EP300: variants seen among roughly 807,000 people sequenced by gnomAD.
The protein encoded by EP300 is EP300 lysine acetyltransferase.
A neutral mutation model predicts 264.0 loss-of-function variants in EP300; 31 were observed. The ratio of observed to expected loss-of-function variants is 0.12; its 90% CI spans 0.09 to 0.16. The LOEUF is 0.16. Among genes scored for constraint, EP300 ranks in the 10% least tolerant of loss-of-function variants. The pLI is 1.00. For synonymous variants in EP300, 1,340 were observed against 1,045.4 expected, an observed-to-expected ratio of 1.28 and a Z score of -5.44; for missense variants, 2,766 against 3,052.9, an observed-to-expected ratio of 0.91 and a Z score of 2.21.
At chr22:41,172,834 T>C (rs1230754337) in intron 28 of EP300, among the ~76,000 whole-genome samples, 171 bp downstream of exon 28, 1 of 152,214 alleles carries the variant, frequency 6.6e-6, no homozygotes, top group African/African-American at 2.4e-5. Flanking sequence ...TCAGTGGTAT[T>C]AAACTTTTAA....
At chr22:41,153,223 A>G (rs1053853636) in intron 16 of EP300, among the ~76,000 whole-genome samples, 5 of 152,160 alleles carry the variant, frequency 3.3e-5, no homozygotes, top group African/African-American at 1.2e-4. Flanking sequence ...GTGTTAATTG[A>G]CTATTTTAGG....
intron 1 of EP300, among the ~76,000 whole-genome samples, chr22:41,108,669 C>T (rs2058771779): frequency 6.6e-6 from 1 of 152,078 alleles, no homozygotes; most frequent in Non-Finnish European, 1.5e-5. Flanking sequence ...CCTTGTGAAG[C>T]AGAAGAAAGA....
rs557236490 is a variant in EP300, at chr22:41,143,585, G to GT, written c.2053+2373dup. On this transcript the variant is annotated intron_variant, in intron 10 of 30. Transcript: ENST00000263253. Reference sequence around the variant, plus strand: ...TTTTTTTGTTGTTGGTTTTGTTTTTGTTTTTTTTTTGAAACAGTCTCTCTT... The same window carrying GT: ...TTTTTTTGTTGTTGGTTTTGTTTTTGTTTTTTTTTTTGAAACAGTCTCTCTT... Among the ~76,000 whole-genome samples, 505 of 147,726 alleles carry GT rather than the reference G, an allele frequency of 3.4e-3. 1 individual carries two copies. Among genetic ancestry groups the GT allele is most frequent in the Admixed American group, 4.6e-3 (69 of 14,840 alleles).
Position 41,138,946 on chromosome 22 carries a change from GTTTGTT to G in EP300, c.1760+1173_1761-1172del, listed in dbSNP as rs754669059. Reference sequence around the variant, plus strand: ...GCTAATCATTTAGGATTCTTTGTTTGTTTGTTTTTGTTTTTGTTTTTGAGACTGAGT... The same window carrying G: ...GCTAATCATTTAGGATTCTTTGTTTGTTTGTTTTTGTTTTTGAGACTGAGT... On this transcript the variant is annotated intron_variant, in intron 8 of 30. Transcript: ENST00000263253. Among the ~76,000 whole-genome samples the G allele has an allele frequency of 4.0e-5, 6 of 151,596 alleles. No individual in the cohort carries two copies. The East Asian group carries it at 5.8e-4, about 15-fold the overall frequency.
intron 1 of EP300, among the ~76,000 whole-genome samples, chr22:41,105,338 G>C (rs961134661): frequency 6.9e-6 from 1 of 145,352 alleles, no homozygotes; most frequent in Non-Finnish European, 1.5e-5. Flanking sequence ...TGGGCCACGA[G>C]AGTGAAACTG....
Position 41,149,102 on chromosome 22 carries a change from A to C in EP300, c.2306A>C (p.Gln769Pro). The C allele has an allele frequency of 6.2e-7, 1 of 1,612,884 alleles. No individual in the cohort carries two copies. Among genetic ancestry groups the C allele is most frequent in the Non-Finnish European group, 8.5e-7 (1 of 1,179,852 alleles). The stretch of plus-strand genomic sequence containing the variant: ...CAGGGCCAGTTCCTTCCTCAGACTC[A>C]GTTCCCATCACAGGGAATGAATGTA... ...SNQGQFLPQT[Q>P]FPSQGMNVTN... The change falls in exon 13 of 31, where the codon CAG becomes CCG. Residue 769 changes from glutamine (Q) to proline (P), a missense_variant. Gln to Pro is a moderately conservative substitution (Grantham distance 76). Coordinates refer to ENST00000263253, the MANE Select transcript of EP300 (RefSeq NM_001429.4).
chr22:41,107,352 G>C (rs1387808249), intron 1 of EP300, among the ~76,000 whole-genome samples: 1 of 151,454 alleles, frequency 6.6e-6, no homozygotes, highest in Non-Finnish European at 1.5e-5. Context: ...GAACTGAGTT[G>C]ATTTTACTTC....
intron 3 of EP300, among the ~76,000 whole-genome samples, chr22:41,126,972 G>A (rs763667892): frequency 5.9e-5 from 9 of 151,878 alleles, no homozygotes; most frequent in Non-Finnish European, 1.3e-4. Flanking sequence ...TCGAACTCCC[G>A]ACCTCAGGTG....
At chr22:41,174,985 C>T (rs1040188506) in intron 29 of EP300, among the ~76,000 whole-genome samples, 3 of 151,010 alleles carry the variant, frequency 2.0e-5, no homozygotes, top group Non-Finnish European at 2.9e-5. Context: ...TAATGGGCTA[C>T]GATGTAATAA....
intron 14 of EP300, among the ~76,000 whole-genome samples, chr22:41,150,813 C>T (rs2059039838): frequency 6.6e-6 from 1 of 151,736 alleles, no homozygotes; most frequent in Admixed American, 6.6e-5. Flanking sequence ...ATGGCTTGAA[C>T]CTGGGAGGTG....
In EP300 at chr22:41,167,814, G is replaced by GGTTTTTTTTTTTTTTTTTTTT. The variant is rs71328778; in HGVS notation, c.3875-635_3875-634insGTTTTTTTTTTTTTTTTTTTT. On this transcript the variant is annotated intron_variant, in intron 23 of 30. Coordinates refer to ENST00000263253, the MANE Select transcript of EP300 (RefSeq NM_001429.4). Reference sequence around the variant, plus strand: ...CATTGTTCTATTTCTGTTTGTTTTTGTTTTTTTTTTTGTTTTTTTTTTTTT... The same window carrying GGTTTTTTTTTTTTTTTTTTTT: ...CATTGTTCTATTTCTGTTTGTTTTTGGTTTTTTTTTTTTTTTTTTTTTTTTTTTTTTTGTTTTTTTTTTTTT... Among the ~76,000 whole-genome samples the GGTTTTTTTTTTTTTTTTTTTT allele has an allele frequency of 9.1e-5, 6 of 66,224 alleles. 1 individual carries two copies. The highest frequency in any genetic ancestry group is 1.9e-4 in the African/African-American group (3 of 15,656). The allele number at this position is 66,224 out of a possible 152,430, so 43.4% of individuals were successfully genotyped here.
Position 41,149,817 on chromosome 22 carries a change from T to C in EP300, c.2436T>C (p.Ser812=). 1 of 1,614,150 alleles carries C rather than the reference T, an allele frequency of 6.2e-7. No homozygotes were observed. ...PVNSPIMPPG[S]QGSHIHCPQL... is the part of the protein sequence containing the mutation. ...ACTCTCCTATAATGCCTCCAGGGTC[T>C]CAGGGGAGCCACATTCACTGTCCCC... The change falls in exon 14 of 31, where the codon TCT becomes TCC. Residue 812 remains serine, a synonymous_variant. Coordinates refer to ENST00000263253, the MANE Select transcript of EP300 (RefSeq NM_001429.4).
intron 12 of EP300, 60 bp from the exon 13 acceptor site, chr22:41,148,978 G>A (rs766486719): frequency 6.2e-7 from 1 of 1,603,156 alleles, no homozygotes; most frequent in Non-Finnish European, 8.5e-7. Context: ...GATGATTTTA[G>A]TTATAGTAGA....
chr22:41,153,523 G>A (rs1371926585), intron 16 of EP300, among the ~76,000 whole-genome samples: 3 of 152,140 alleles, frequency 2.0e-5, no homozygotes, highest in Non-Finnish European at 4.4e-5. Flanking sequence ...GGCCGAGCGG[G>A]CAGATCACTT....
chr22:41,137,595 A>C, intron 7 of EP300, 58 bp from the exon 8 acceptor site: 1 of 1,607,826 alleles, frequency 6.2e-7, no homozygotes, highest in African/African-American at 1.3e-5. Context: ...AGCTTGAATT[A>C]AATGAGGTCT....
chr22:41,164,361 T>C (rs1441430488), intron 22 of EP300, among the ~76,000 whole-genome samples: 2 of 152,220 alleles, frequency 1.3e-5, no homozygotes, highest in Non-Finnish European at 2.9e-5. Flanking sequence ...CATATAAATA[T>C]ATTTTATTCT....
intron 2 of EP300, among the ~76,000 whole-genome samples, chr22:41,119,922 C>G (rs1316994929): frequency 1.3e-5 from 2 of 152,144 alleles, no homozygotes; most frequent in Non-Finnish European, 1.5e-5. Context: ...TCAGGCAGTT[C>G]TCCTGCCTCA....
chr22:41,167,491 A>G (rs1016011958), intron 23 of EP300, among the ~76,000 whole-genome samples: 2 of 150,202 alleles, frequency 1.3e-5, no homozygotes, highest in African/African-American at 4.9e-5. Flanking sequence ...CAAAATGCTC[A>G]ACCTTCGTTA....
intron 6 of EP300, among the ~76,000 whole-genome samples, chr22:41,134,163 C>CTTTTTTTTTTTTT (rs11362436): frequency 4.7e-5 from 5 of 105,628 alleles, no homozygotes; most frequent in African/African-American, 1.1e-4. Flanking sequence ...TCATTCTTTT[C>CTTTTTTTTTTTTT]TTTTTTTTTT....
Sources: gnomAD v4.1 joint callset for allele counts (sites outside exome capture counted in the v4.1 genomes callset) on GRCh38, gnomAD v4.1.1 for gene constraint, MANE v1.5 for transcripts, NCBI Gene and HGNC (gene_info 2026-07-23, HGNC 2026-07-21) for gene names.